The following RCBTB2 variants were observed in gnomAD, a reference collection of about 807,000 sequenced individuals.
The protein encoded by RCBTB2 is RCC1 and BTB domain-containing protein 2.
A neutral mutation model predicts 65.4 loss-of-function variants in RCBTB2; 55 were observed. The observed-to-expected ratio is 0.84, with a 90% CI of 0.68 to 1.05. RCBTB2 has a LOEUF of 1.05. RCBTB2 is among the 50% of genes least tolerant of loss of function. RCBTB2 has a pLI of 0.00. For missense variants in RCBTB2, 599 were observed against 680.1 expected (o/e 0.88, Z 1.33); for synonymous variants, 220 against 255.2 (o/e 0.86, Z 1.31).
chr13:48,500,385 C>T (rs1041051518), intron 12 of RCBTB2, among the ~76,000 whole-genome samples: 7 of 152,110 alleles, frequency 4.6e-5, no homozygotes, highest in African/African-American at 1.7e-4. Flanking sequence ...TGGTGAAACC[C>T]CATCTCTACT....
intron 11 of RCBTB2, 74 bp from the exon 12 acceptor site, chr13:48,501,942 CTCTACT>C: frequency 7.5e-7 from 1 of 1,337,134 alleles, no homozygotes; most frequent in Non-Finnish European, 1.0e-6. Context: ...TATGGCACTA[CTCTACT>C]GGTACTCATG....
Position 48,512,042 on chromosome 13 carries a change from A to G in RCBTB2, c.649T>C (p.Cys217Arg). The G allele has an allele frequency of 1.2e-6, 2 of 1,614,220 alleles. No individual in the cohort carries two copies. The highest frequency in any genetic ancestry group is 1.7e-6 in the Non-Finnish European group (2 of 1,180,000). ...VVTIACGQMCCMAVVDTGEVY... is the reference protein window; with the variant it reads ...VVTIACGQMCRMAVVDTGEVY... ...TCCCCCGTGTCTACTACTGCCATGC[A>G]GCACATCTGCCCACATGCTATGGTC... Residue 217 changes from cysteine (C) to arginine (R), a missense_variant, in exon 8 of 15, where the codon TGC (cysteine) becomes CGC (arginine). Coordinates refer to ENST00000344532, the MANE Select transcript of RCBTB2 (RefSeq NM_001268.4).
chr13:48,521,120 T>G (rs1951400777), intron 4 of RCBTB2, among the ~76,000 whole-genome samples: 1 of 152,192 alleles, frequency 6.6e-6, no homozygotes, highest in African/African-American at 2.4e-5. Flanking sequence ...CTGTTAACAT[T>G]TTTGTAGGAC....
Position 48,502,656 on chromosome 13 carries a change from C to T in RCBTB2, c.1117+68G>A, listed in dbSNP as rs118137119. ...GTGCACCTAACAAAATCCTCATTAT[C>T]AAAGTAAAGCCCTGAGCTCTTTCCC... On this transcript the variant is annotated intron_variant, in intron 11 of 14. Transcript: ENST00000344532. 10,998 of 1,439,972 alleles carry T rather than the reference C, an allele frequency of 7.6e-3. 60 individuals carry two copies. The highest frequency in any genetic ancestry group is 9.0e-3 in the Non-Finnish European group (9,656 of 1,068,330). 89.2% of individuals were successfully genotyped at this position (1,439,972 alleles called of 1,614,324 possible). A position where few individuals can be genotyped will look rare whatever the true frequency, so the allele number is the denominator to read the frequency against.
intron 11 of RCBTB2, among the ~76,000 whole-genome samples, chr13:48,502,449 C>T (rs1950279328): frequency 6.6e-6 from 1 of 151,970 alleles, no homozygotes; most frequent in South Asian, 2.1e-4. Context: ...GTTATGATTG[C>T]ACCACCGCAC....
intron 9 of RCBTB2, among the ~76,000 whole-genome samples, chr13:48,511,384 TA>T (rs1296183416): frequency 3.9e-5 from 6 of 152,004 alleles, no homozygotes; most frequent in African/African-American, 9.7e-5. Context: ...CTGTTACACC[TA>T]TTTTTTTTAT....
chr13:48,530,842 T>C (rs978116014), intron 1 of RCBTB2, among the ~76,000 whole-genome samples: 1 of 152,238 alleles, frequency 6.6e-6, no homozygotes, highest in Non-Finnish European at 1.5e-5. Context: ...TTTTCACCTA[T>C]ATACTATAAA....
intron 13 of RCBTB2, among the ~76,000 whole-genome samples, chr13:48,498,637 G>T (rs1318385623): frequency 6.6e-6 from 1 of 152,164 alleles, no homozygotes. Context: ...GGCTGAGGCA[G>T]GAGAATCGCT....
chr13:48,496,433 T>TCTATGCAGTGCTTCACTGAG, intron 13 of RCBTB2, 112 bp from the exon 14 acceptor site: 2 of 1,114,564 alleles, frequency 1.8e-6, no homozygotes, highest in African/African-American at 1.6e-5. Flanking sequence ...TAATCCTCAG[T>TCTATGCAGTGCTTCACTGAG]GAAGCACTGC....
intron 3 of RCBTB2, among the ~76,000 whole-genome samples, 170 bp from the exon 4 acceptor site, chr13:48,522,132 C>A (rs1222257197): frequency 6.6e-6 from 1 of 152,082 alleles, no homozygotes; most frequent in Non-Finnish European, 1.5e-5. Flanking sequence ...TATAAAACTC[C>A]AAAAATGTTT....
Position 48,515,626 on chromosome 13 carries a change from C to G in RCBTB2, c.158G>C (p.Ser53Thr), listed in dbSNP as rs369663278. Residue 53 changes from serine to threonine, a missense_variant, in exon 5 of 15, where the codon AGT becomes ACT. Physicochemically the swap from Ser to Thr is moderately conservative, Grantham distance 58. Transcript: ENST00000344532. ...AGTGTATAAAACTTCATTGCCAGCACTGCCAAAGACACAAGCCTGACGAAT... is the reference window on the plus strand; with the variant it reads ...AGTGTATAAAACTTCATTGCCAGCAGTGCCAAAGACACAAGCCTGACGAAT... The part of the protein sequence containing the change: ...QLIRQACVFG[S>T]AGNEVLYTTV... 9.3e-6 allele frequency: 15 copies of G among 1,612,440 alleles called. No individual in the cohort carries two copies. Among genetic ancestry groups the G allele is most frequent in the Non-Finnish European group, 1.2e-5 (14 of 1,179,602 alleles).
At chr13:48,535,732 A>G (rs1261509580), upstream of RCBTB2, 1 of 456,708 alleles carries the variant, frequency 2.2e-6, no homozygotes, top group South Asian at 1.5e-5. Flanking sequence ...GCCATCTTGA[A>G]GCATTCATCT....
Position 48,520,337 on chromosome 13 carries a change from G to A in RCBTB2, c.42+1561C>T, listed in dbSNP as rs753818965. ...TGCCCAACTGTCAAGTAAGAAACTGGCTGAGCAAGAGCCAAGTATGGTCAA... is the reference window on the plus strand; with the variant it reads ...TGCCCAACTGTCAAGTAAGAAACTGACTGAGCAAGAGCCAAGTATGGTCAA... On this transcript the variant is annotated intron_variant, in intron 4 of 14. Coordinates refer to ENST00000344532, the MANE Select transcript of RCBTB2 (RefSeq NM_001268.4). Among the ~76,000 whole-genome samples, 26 of 152,142 alleles carry A rather than the reference G, an allele frequency of 1.7e-4. 1 individual carries two copies. Among genetic ancestry groups the A allele is most frequent in the Admixed American group, 1.3e-4 (2 of 15,272 alleles).
At chr13:48,531,380 TATA>T (rs1452705768) in intron 1 of RCBTB2, among the ~76,000 whole-genome samples, 1 of 152,212 alleles carries the variant, frequency 6.6e-6, no homozygotes, top group Non-Finnish European at 1.5e-5. Flanking sequence ...CTTACAAATA[TATA>T]ATATCAGATG....
chr13:48,499,026 CAATAT>C (rs1432230786), intron 13 of RCBTB2, among the ~76,000 whole-genome samples: 1 of 151,726 alleles, frequency 6.6e-6, no homozygotes, highest in African/African-American at 2.4e-5. Flanking sequence ...ACACCTGAAC[CAATAT>C]AATAACTGAT....
At chr13:48,515,391 A>G in intron 5 of RCBTB2, 36 bp from the exon 6 acceptor site, 5 of 1,587,838 alleles carry the variant, frequency 3.1e-6, no homozygotes, top group Non-Finnish European at 4.3e-6. Context: ...AAGCAGTTCT[A>G]TTTCTAACAA....
chr13:48,530,143 G>A (rs1341032336), intron 1 of RCBTB2, among the ~76,000 whole-genome samples: 10 of 151,816 alleles, frequency 6.6e-5, no homozygotes, highest in Non-Finnish European at 1.2e-4. Context: ...AAGAACATTT[G>A]ACTGCCTTGG....
intron 4 of RCBTB2, among the ~76,000 whole-genome samples, chr13:48,518,867 T>C (rs1213786700): frequency 6.6e-6 from 1 of 152,184 alleles, no homozygotes; most frequent in Non-Finnish European, 1.5e-5. Context: ...AGAAATCTTA[T>C]TTTCTATGAG....
chr13:48,535,524 G>A (rs971680750), upstream of RCBTB2, among the ~76,000 whole-genome samples: 9 of 152,266 alleles, frequency 5.9e-5, no homozygotes, highest in East Asian at 1.9e-4. Flanking sequence ...CTAAAGTGCC[G>A]AGATTATAGA....
Sources: allele counts gnomAD v4.1 joint callset (sites outside exome capture counted in the v4.1 genomes callset), GRCh38; gene constraint gnomAD v4.1.1; transcripts MANE v1.5; gene names NCBI Gene and HGNC (gene_info 2026-07-23, HGNC 2026-07-21).